The following DGKI variants were observed in gnomAD, a reference collection of about 807,000 sequenced individuals.
DGKI encodes the protein DAG kinase iota.
DGKI carries 55 observed loss-of-function variants against 147.5 expected under a neutral mutation model. The ratio of observed to expected loss-of-function variants is 0.37; its 90% CI spans 0.30 to 0.47. The LOEUF is 0.47. DGKI is among the 20% of genes least tolerant of loss of function. The pLI is 1.00. For missense variants in DGKI, 1,007 were observed against 1,323.8 expected (o/e 0.76, Z 3.71); for synonymous variants, 469 against 477.1 (o/e 0.98, Z 0.22).
At chr7:137,605,871 T>C (rs1209421910) in intron 10 of DGKI, among the ~76,000 whole-genome samples, 6 of 152,138 alleles carry the variant, frequency 3.9e-5, no homozygotes, top group Non-Finnish European at 8.8e-5. Flanking sequence ...TACAATTACA[T>C]AGAAGAAATA....
At chr7:137,664,082 G>GA (rs1822543005) in intron 3 of DGKI, among the ~76,000 whole-genome samples, 1 of 152,002 alleles carries the variant, frequency 6.6e-6, no homozygotes, top group African/African-American at 2.4e-5. Context: ...CCACAATAGG[G>GA]AAAAAATAGT....
rs149504245 is a variant in DGKI, at chr7:137,806,496, C to T, written c.401+39966G>A. 4.2e-3 allele frequency among the ~76,000 whole-genome samples: 634 copies of T among 152,042 alleles called. 7 individuals carry two copies. The highest frequency in any genetic ancestry group is 0.014 in the African/African-American group (562 of 41,466). ...TCACCCAGGCTGAAGTGCAGTGGTG[C>T]GATCTTGGCTCACTGCAAGCTCCGC... On this transcript the variant is annotated intron_variant, in intron 1 of 32. Transcript: ENST00000614521.
At chr7:137,659,348 A>G (rs2116275435) in intron 3 of DGKI, among the ~76,000 whole-genome samples, 1 of 152,312 alleles carries the variant, frequency 6.6e-6, no homozygotes, top group South Asian at 2.1e-4. Context: ...CAAATCGGAA[A>G]TTTTAATCAC....
At chr7:137,793,305 T>TTG (rs1282662987) in intron 1 of DGKI, among the ~76,000 whole-genome samples, 5 of 138,752 alleles carry the variant, frequency 3.6e-5, no homozygotes, top group Non-Finnish European at 6.0e-5. Flanking sequence ...TGCCTTTTTT[T>TTG]TGTTTTTTTT....
intron 20 of DGKI, among the ~76,000 whole-genome samples, chr7:137,533,935 T>A (rs1216100640): frequency 6.6e-6 from 1 of 152,174 alleles, no homozygotes; most frequent in Non-Finnish European, 1.5e-5. Context: ...AAATGTGATG[T>A]GTTCTAGGGA....
chr7:137,648,154 G>A (rs969775450), intron 5 of DGKI, among the ~76,000 whole-genome samples: 10 of 152,290 alleles, frequency 6.6e-5, no homozygotes, highest in African/African-American at 2.4e-4. Context: ...ATAGAAAAAT[G>A]TAATATAATT....
Position 137,700,878 on chromosome 7 carries a change from C to CAAATAAAT in DGKI, c.402-10884_402-10877dup, listed in dbSNP as rs143983872. On this transcript the variant is annotated intron_variant, in intron 1 of 32. Transcript: ENST00000614521. ...GGGCGACAAGAGCGAAGCTCCGTCT[C>CAAATAAAT]AAATAAATAAATAAATAAATAAATA... is the stretch of plus-strand genomic sequence containing the variant. Among the ~76,000 whole-genome samples the CAAATAAAT allele has an allele frequency of 3.4e-3, 499 of 146,716 alleles. 3 individuals are homozygous for CAAATAAAT. The highest frequency in any genetic ancestry group is 7.0e-3 in the Middle Eastern group (2 of 284).
chr7:137,798,396 G>A (rs1797098727), intron 1 of DGKI, among the ~76,000 whole-genome samples: 1 of 152,044 alleles, frequency 6.6e-6, no homozygotes, highest in Non-Finnish European at 1.5e-5. Flanking sequence ...AAAAAGAAAA[G>A]AGCAGGCCGA....
chr7:137,422,641 C>T (rs1318625376), intron 28 of DGKI, among the ~76,000 whole-genome samples: 1 of 109,826 alleles, frequency 9.1e-6, no homozygotes, highest in Non-Finnish European at 1.7e-5. Context: ...GTCTTGCACT[C>T]TCACCCAGAC....
At chr7:137,655,198 A>C (rs1585333982) in intron 4 of DGKI, among the ~76,000 whole-genome samples, 1 of 144,450 alleles carries the variant, frequency 6.9e-6, no homozygotes, top group African/African-American at 2.9e-5. Flanking sequence ...CAACAGAGTT[A>C]TTCTTTTTTT....
intron 10 of DGKI, among the ~76,000 whole-genome samples, chr7:137,600,552 T>C (rs1819953218): frequency 6.6e-6 from 1 of 152,188 alleles, no homozygotes; most frequent in African/African-American, 2.4e-5. Context: ...AAGCCCTTAA[T>C]GAATAATATT....
chr7:137,670,836 AGAC>A (rs1822818419), intron 3 of DGKI, among the ~76,000 whole-genome samples: 1 of 152,332 alleles, frequency 6.6e-6, no homozygotes, highest in East Asian at 1.9e-4. Flanking sequence ...CTGCTGTGCC[AGAC>A]AACTGGCATT....
intron 1 of DGKI, among the ~76,000 whole-genome samples, chr7:137,808,385 T>A (rs1173747563): frequency 7.2e-5 from 11 of 152,350 alleles, no homozygotes; most frequent in African/African-American, 2.6e-4. Context: ...CTAGGCTAAG[T>A]GCCTTGTTTA....
At chr7:137,582,451 T>TAC (rs920765915) in intron 14 of DGKI, among the ~76,000 whole-genome samples, 19 of 150,594 alleles carry the variant, frequency 1.3e-4, no homozygotes, top group Admixed American at 4.0e-4. Context: ...TATATATATA[T>TAC]ACACACACAC....
intron 15 of DGKI, among the ~76,000 whole-genome samples, chr7:137,581,621 C>T (rs531618345): frequency 6.6e-6 from 1 of 152,104 alleles, no homozygotes; most frequent in Admixed American, 6.5e-5. Context: ...TCTTTAAGAC[C>T]CTGGACAACT....
chr7:137,412,285 T>C, intron 28 of DGKI, 78 bp from the exon 29 acceptor site: 1 of 1,349,314 alleles, frequency 7.4e-7, no homozygotes, highest in Non-Finnish European at 1.1e-6. Flanking sequence ...GGATCCATAT[T>C]TTGGATAAGT....
chr7:137,623,368 A>G (rs1256931852), intron 7 of DGKI, 115 bp downstream of exon 7: 3 of 967,748 alleles, frequency 3.1e-6, no homozygotes, highest in Non-Finnish European at 1.6e-6. Flanking sequence ...TATATGAGAA[A>G]AGCAATACAT....
intron 19 of DGKI, among the ~76,000 whole-genome samples, chr7:137,555,077 C>T (rs954465112): frequency 5.3e-5 from 8 of 151,502 alleles, no homozygotes; most frequent in African/African-American, 9.7e-5. Flanking sequence ...CCACCACACC[C>T]GGCTAATTTT....
At chr7:137,770,768 C>T (rs1301683625) in intron 1 of DGKI, among the ~76,000 whole-genome samples, 1 of 49,932 alleles carries the variant, frequency 2.0e-5, no homozygotes, top group Non-Finnish European at 3.4e-5. Flanking sequence ...CTCCTGACCT[C>T]GTGATCCGCC....
Sources: gnomAD v4.1 joint callset for allele counts (sites outside exome capture counted in the v4.1 genomes callset) on GRCh38, gnomAD v4.1.1 for gene constraint, MANE v1.5 for transcripts, NCBI Gene and HGNC (gene_info 2026-07-23, HGNC 2026-07-21) for gene names.